Variants in SETD3 observed in about 807,000 individuals in gnomAD.
SETD3 encodes the protein SET domain containing 3, actin N3(tau)-histidine methyltransferase.
In SETD3, 19 loss-of-function variants were observed where a neutral mutation model predicts 63.0. The ratio of observed to expected loss-of-function variants is 0.30; its 90% CI spans 0.21 to 0.44. The LOEUF (loss-of-function observed/expected upper bound fraction) is 0.44. Among genes scored for constraint, SETD3 ranks in the 20% least tolerant of loss-of-function variants. SETD3 has a pLI of 1.00. For missense variants in SETD3, 587 were observed against 728.5 expected (o/e 0.81, Z 2.24); for synonymous variants, 286 against 264.1 (o/e 1.08, Z -0.80).
At chr14:99,413,320 G>A in intron 7 of SETD3, 1 of 443,918 alleles carries the variant, frequency 2.3e-6, no homozygotes, top group Non-Finnish European at 4.0e-6. Context: ...GCTTTGCGCA[G>A]GGCTCAGGCC....
intron 6 of SETD3, among the ~76,000 whole-genome samples, chr14:99,431,916 A>C (rs1595192262): frequency 6.6e-6 from 1 of 152,174 alleles, no homozygotes; most frequent in East Asian, 1.9e-4. Flanking sequence ...ATTACAAGTC[A>C]ATTTTAACTC....
At chr14:99,442,757 C>G (rs1378226683) in intron 6 of SETD3, among the ~76,000 whole-genome samples, 1 of 152,152 alleles carries the variant, frequency 6.6e-6, no homozygotes, top group Non-Finnish European at 1.5e-5. Flanking sequence ...CTCTGGTCAA[C>G]AGTAGTTAAG....
chr14:99,416,670 G>A (rs1391472976), intron 6 of SETD3, among the ~76,000 whole-genome samples: 2 of 152,170 alleles, frequency 1.3e-5, no homozygotes, highest in African/African-American at 4.8e-5. Flanking sequence ...CCCAGCAGCA[G>A]CGGCAATGGG....
At chr14:99,435,095 T>C (rs1344711918) in intron 6 of SETD3, among the ~76,000 whole-genome samples, 2 of 152,318 alleles carry the variant, frequency 1.3e-5, no homozygotes, top group East Asian at 3.9e-4. Context: ...TCGTTATTAC[T>C]CTGATACCAT....
At chr14:99,445,467 A>G (rs1046357569) in intron 6 of SETD3, among the ~76,000 whole-genome samples, 2 of 152,240 alleles carry the variant, frequency 1.3e-5, no homozygotes, top group African/African-American at 4.8e-5. Flanking sequence ...TCACATGTTA[A>G]TAATAGCTGA....
intron 11 of SETD3, among the ~76,000 whole-genome samples, chr14:99,400,468 T>C (rs1891330816): frequency 6.6e-6 from 1 of 152,212 alleles, no homozygotes; most frequent in Non-Finnish European, 1.5e-5. Flanking sequence ...GGCCTCTCCA[T>C]GTGGAATCCT....
chr14:99,431,996 T>A (rs1893209667), intron 6 of SETD3, among the ~76,000 whole-genome samples: 1 of 152,182 alleles, frequency 6.6e-6, no homozygotes, highest in African/African-American at 2.4e-5. Flanking sequence ...CACTTTTTCA[T>A]CATGATCCAT....
chr14:99,456,081 G>A (rs868304499), intron 6 of SETD3, among the ~76,000 whole-genome samples: 8 of 152,190 alleles, frequency 5.3e-5, no homozygotes, highest in Non-Finnish European at 7.4e-5. Flanking sequence ...GCTTGAGCCC[G>A]GAGGTCGAGG....
At chr14:99,401,973 G>GCCAGGAGCTGA (rs576351990) in intron 11 of SETD3, among the ~76,000 whole-genome samples, 48 of 152,274 alleles carry the variant, frequency 3.2e-4, no homozygotes, top group African/African-American at 1.1e-3. Flanking sequence ...CTGCCTGCAG[G>GCCAGGAGCTGA]CCAGGAGCTC....
intron 6 of SETD3, among the ~76,000 whole-genome samples, chr14:99,449,830 A>G (rs6575722): frequency 0.92 from 140,447 of 152,286 alleles, 65,860 homozygotes; most frequent in East Asian, 1. Context: ...AAGTGTATAT[A>G]GGAGTTCTGT....
chr14:99,444,398 G>A (rs1894011059), intron 6 of SETD3: 1 of 152,216 alleles, frequency 6.6e-6, no homozygotes, highest in South Asian at 2.1e-4. Context: ...AACTAGTGAA[G>A]ACTTCCATAT....
At position 99,477,051 on chromosome 14, in the gene SETD3, C is replaced by T. The variant is rs115665362; in HGVS notation, c.-9+3677G>A. ...GTACTGAGGTTAGGCTTGCAAAAGG[C>T]TAATGATTCACTTTGGCTTAGTAAT... On this transcript the variant is annotated intron_variant, in intron 1 of 12. Coordinates refer to ENST00000331768, the MANE Select transcript of SETD3 (RefSeq NM_032233.3). Among the ~76,000 whole-genome samples, 325 of 152,254 alleles carry T rather than the reference C, an allele frequency of 2.1e-3. 3 individuals carry two copies. Among genetic ancestry groups the T allele is most frequent in the African/African-American group, 7.6e-3 (315 of 41,550 alleles).
chr14:99,431,367 T>C (rs1314826833), intron 6 of SETD3, among the ~76,000 whole-genome samples: 1 of 152,236 alleles, frequency 6.6e-6, no homozygotes, highest in African/African-American at 2.4e-5. Context: ...GGCAGAGCTG[T>C]GACTCAAACG....
At chr14:99,417,167 C>T (rs1375916336) in intron 6 of SETD3, among the ~76,000 whole-genome samples, 2 of 152,148 alleles carry the variant, frequency 1.3e-5, no homozygotes, top group East Asian at 3.9e-4. Flanking sequence ...CTATCACTCA[C>T]ATAAAACAAA....
chr14:99,481,270 C>T, upstream of SETD3: 1 of 395,882 alleles, frequency 2.5e-6, no homozygotes, highest in Non-Finnish European at 4.4e-6. Flanking sequence ...ACCCGCGGGG[C>T]GGGCGGGGAG....
chr14:99,410,216 C>G (rs1891908923), intron 8 of SETD3: 1 of 1,613,644 alleles, frequency 6.2e-7, no homozygotes, highest in East Asian at 2.2e-5. Flanking sequence ...CTTCTGGTGT[C>G]TGAAGAATAG....
upstream of SETD3, among the ~76,000 whole-genome samples, chr14:99,483,353 A>G (rs2139844604): frequency 6.6e-6 from 1 of 152,238 alleles, no homozygotes; most frequent in East Asian, 1.9e-4. Flanking sequence ...GTTCAAGACC[A>G]TCCTGGGCAA....
chr14:99,422,692 C>T (rs1484548925), intron 6 of SETD3, among the ~76,000 whole-genome samples: 2 of 152,214 alleles, frequency 1.3e-5, no homozygotes, highest in African/African-American at 4.8e-5. Context: ...TAAATCCACA[C>T]ATCACATACA....
In SETD3 at chr14:99,400,223, A is replaced by G. The variant is rs977720567; in HGVS notation, c.1214T>C (p.Ile405Thr). 3 of 1,613,804 alleles carry G rather than the reference A, an allele frequency of 1.9e-6. No individual in the cohort carries two copies. Among genetic ancestry groups the G allele is most frequent in the Non-Finnish European group, 2.5e-6 (3 of 1,179,940 alleles). The change falls in exon 12 of 13, where the codon ATT (isoleucine) becomes ACT (threonine). Residue 405 changes from isoleucine (I) to threonine (T), a missense_variant. Coordinates refer to ENST00000331768, the MANE Select transcript of SETD3 (RefSeq NM_032233.3). ...LKEHLLGDSAIDRIFTLGNSE... is the reference protein window; with the variant it reads ...LKEHLLGDSATDRIFTLGNSE... ...GTTCCCCAAGGTGAAGATTCTATCA[A>G]TAGCGCTGTCTCCCAGCAAGTGTTC...
Sources: allele counts gnomAD v4.1 joint callset (sites outside exome capture counted in the v4.1 genomes callset), GRCh38; gene constraint gnomAD v4.1.1; transcripts MANE v1.5; gene names NCBI Gene and HGNC (gene_info 2026-07-23, HGNC 2026-07-21).